The following PCDHA5 variants were observed in gnomAD, a reference collection of about 807,000 sequenced individuals.
PCDHA5 encodes protocadherin alpha-5.
In PCDHA5, 43 loss-of-function variants were observed where a neutral mutation model predicts 61.6. The ratio of observed to expected loss-of-function variants is 0.70; its 90% CI spans 0.55 to 0.90. The LOEUF (loss-of-function observed/expected upper bound fraction) is 0.90. Ranked by LOEUF, PCDHA5 falls within the 40% of genes least tolerant of loss-of-function variation. The pLI is 0.00. For synonymous variants in PCDHA5, 627 were observed against 543.9 expected (o/e 1.15, Z -2.13); for missense variants, 1,298 against 1,222.7 (o/e 1.06, Z -0.92).
intron 1 of PCDHA5, chr5:140,843,382 G>C: frequency 6.3e-7 from 1 of 1,596,126 alleles, no homozygotes; most frequent in Non-Finnish European, 8.6e-7. Flanking sequence ...CTGGCGTTTT[G>C]GGTCCGGAAG....
chr5:140,883,564 G>C, intron 1 of PCDHA5: 1 of 1,614,174 alleles, frequency 6.2e-7, no homozygotes, highest in Non-Finnish European at 8.5e-7. Context: ...ACGGGGGCTC[G>C]CCTTCGCTGT....
intron 1 of PCDHA5, chr5:140,870,676 G>T: frequency 6.2e-7 from 1 of 1,612,702 alleles, no homozygotes. Flanking sequence ...GTTGGACCAC[G>T]AGGAGCTGGA....
intron 1 of PCDHA5, among the ~76,000 whole-genome samples, chr5:140,971,183 G>C (rs1471489236): frequency 1.3e-5 from 2 of 152,170 alleles, no homozygotes; most frequent in African/African-American, 4.8e-5. Flanking sequence ...CTGTAAGCCG[G>C]AAGCTCAGAG....
At position 140,843,775 on chromosome 5, in the gene PCDHA5, A is replaced by C. The variant is rs2150366589; in HGVS notation, c.2352+19648A>C. On this transcript the variant is annotated intron_variant, in intron 1 of 3. Coordinates refer to ENST00000529859, the MANE Select transcript of PCDHA5 (RefSeq NM_018908.3). The stretch of plus-strand genomic sequence containing the variant: ...ATTTGTGGAAATTGTAGTTACTTTA[A>C]AAGTGTTTCAGATTTAGTTTTTCAC... 8 of 1,450,698 alleles carry C rather than the reference A, an allele frequency of 5.5e-6. No homozygotes were observed. In the South Asian group the frequency reaches 1.0e-4, roughly 18 times the overall value. The allele number at this position is 1,450,698 out of a possible 1,614,324, so 89.9% of individuals were successfully genotyped here.
chr5:140,955,998 G>A (rs1194688184), intron 1 of PCDHA5, among the ~76,000 whole-genome samples: 1 of 152,174 alleles, frequency 6.6e-6, no homozygotes, highest in Non-Finnish European at 1.5e-5. Context: ...CATTGATTTT[G>A]TATCCTGAGA....
chr5:140,849,396 G>A (rs1554142933), intron 1 of PCDHA5: 1 of 1,544,756 alleles, frequency 6.5e-7, no homozygotes, highest in Non-Finnish European at 8.8e-7. Context: ...CTTAAGTGGG[G>A]CAATCACAGT....
At position 140,888,063 on chromosome 5, in the gene PCDHA5, T is replaced by A. The variant is rs1412671068; in HGVS notation, c.2352+63936T>A. On this transcript the variant is annotated intron_variant, in intron 1 of 3. Coordinates refer to ENST00000529859, the MANE Select transcript of PCDHA5 (RefSeq NM_018908.3). Reference sequence around the variant, plus strand: ...TGTATAATAGATGTTTTAACTTTCTTGTCTGCTAATTTCAACATTTTTGTC... The same window carrying A: ...TGTATAATAGATGTTTTAACTTTCTAGTCTGCTAATTTCAACATTTTTGTC... Among the ~76,000 whole-genome samples the A allele has an allele frequency of 2.0e-5, 3 of 152,238 alleles. No homozygotes were observed. In the East Asian group the frequency reaches 5.8e-4, roughly 29 times the overall value.
chr5:141,008,036 C>G (rs1372261299), intron 3 of PCDHA5, among the ~76,000 whole-genome samples: 1 of 151,938 alleles, frequency 6.6e-6, no homozygotes, highest in Non-Finnish European at 1.5e-5. Context: ...GTTAATCTGC[C>G]TTTTGTAACA....
chr5:140,995,206 G>A (rs1179914547), intron 3 of PCDHA5, among the ~76,000 whole-genome samples: 2 of 151,988 alleles, frequency 1.3e-5, no homozygotes, highest in African/African-American at 2.4e-5. Context: ...TATAAATTAG[G>A]CACAATACTC....
chr5:140,827,397 T>C (rs1275430890), intron 1 of PCDHA5, among the ~76,000 whole-genome samples: 2 of 152,336 alleles, frequency 1.3e-5, no homozygotes, highest in East Asian at 3.9e-4. Context: ...ATAAATTAAA[T>C]GTGATAAAGA....
In PCDHA5 at chr5:140,829,871, G is replaced by A. The variant is rs1770641625; in HGVS notation, c.2352+5744G>A. 6.2e-7 allele frequency: 1 copy of A among 1,613,844 alleles called. No homozygotes were observed. Among genetic ancestry groups the A allele is most frequent in the Non-Finnish European group, 8.5e-7 (1 of 1,179,892 alleles). ...GGGTGCAGGCCAAGTGGTGGCGAAG[G>A]TGCGCGCAGTTGACGCCGACTCAGG... On this transcript the variant is annotated intron_variant, in intron 1 of 3. Transcript: ENST00000529859.
At chr5:140,912,292 C>A (rs527420621) in intron 1 of PCDHA5, among the ~76,000 whole-genome samples, 13 of 152,184 alleles carry the variant, frequency 8.5e-5, no homozygotes, top group Non-Finnish European at 1.8e-4. Context: ...CAATACTTTG[C>A]CTCCTGTAAT....
intron 1 of PCDHA5, among the ~76,000 whole-genome samples, chr5:140,954,250 T>C (rs1018325931): frequency 6.6e-6 from 1 of 152,252 alleles, no homozygotes; most frequent in Non-Finnish European, 1.5e-5. Context: ...AACATACACA[T>C]GCAGGTATCT....
At chr5:140,828,315 T>G in intron 1 of PCDHA5, 1 of 1,614,172 alleles carries the variant, frequency 6.2e-7, no homozygotes, top group Non-Finnish European at 8.5e-7. Flanking sequence ...GAGGACCTTC[T>G]GGAGGTAAAT....
intron 1 of PCDHA5, among the ~76,000 whole-genome samples, chr5:140,888,256 C>A (rs1454353322): frequency 6.6e-6 from 1 of 151,942 alleles, no homozygotes; most frequent in African/African-American, 2.4e-5. Context: ...AGCAGTAGTT[C>A]TTGATAAGAA....
At position 140,862,994 on chromosome 5, in the gene PCDHA5, G is replaced by A. The variant is rs199654880; in HGVS notation, c.2352+38867G>A. 324 of 549,002 alleles carry A rather than the reference G, an allele frequency of 5.9e-4. 3 individuals are homozygous for A. The highest frequency in any genetic ancestry group is 1.3e-3 in the South Asian group (92 of 72,564). 34.0% of individuals were successfully genotyped at this position (549,002 alleles called of 1,614,324 possible). On this transcript the variant is annotated intron_variant, in intron 1 of 3. Coordinates refer to ENST00000529859, the MANE Select transcript of PCDHA5 (RefSeq NM_018908.3). ...CCACTTGGTGGCGAAGGTGCGCACGGTGGACTCCAGCTATGACGCCTGGTT... is the reference window on the plus strand; with the variant it reads ...CCACTTGGTGGCGAAGGTGCGCACGATGGACTCCAGCTATGACGCCTGGTT...
chr5:140,941,936 T>G (rs901567070), intron 1 of PCDHA5, among the ~76,000 whole-genome samples: 7 of 152,362 alleles, frequency 4.6e-5, no homozygotes, highest in Non-Finnish European at 7.3e-5. Flanking sequence ...ATATTTGAAT[T>G]ACTTTTGTTT....
chr5:140,927,193 C>A, intron 1 of PCDHA5: 1 of 1,614,186 alleles, frequency 6.2e-7, no homozygotes, highest in Non-Finnish European at 8.5e-7. Context: ...CGACCTGGTG[C>A]TCGAGGACCC....
chr5:140,879,475 A>G (rs567061434), intron 1 of PCDHA5, among the ~76,000 whole-genome samples: 1 of 152,326 alleles, frequency 6.6e-6, no homozygotes, highest in Non-Finnish European at 1.5e-5. Flanking sequence ...TACCGTTGTG[A>G]TTGGAAATAT....
Sources: allele counts gnomAD v4.1 joint callset (sites outside exome capture counted in the v4.1 genomes callset), GRCh38; gene constraint gnomAD v4.1.1; transcripts MANE v1.5; gene names NCBI Gene and HGNC (gene_info 2026-07-23, HGNC 2026-07-21).